The following DCX variants were observed in gnomAD, a reference collection of about 807,000 sequenced individuals.
The protein encoded by DCX is doublecortin.
In DCX, 4 loss-of-function variants were observed where a neutral mutation model predicts 20.9. That is an observed-to-expected ratio of 0.19 (90% CI 0.09 to 0.44). The LOEUF (loss-of-function observed/expected upper bound fraction) is 0.44. Among genes scored for constraint, DCX ranks in the 20% least tolerant of loss-of-function variants. The pLI is 0.99. For missense variants in DCX, 133 were observed against 296.9 expected, an observed-to-expected ratio of 0.45 and a Z score of 4.06; for synonymous variants, 103 against 111.4, an observed-to-expected ratio of 0.92 and a Z score of 0.47.
At chrX:111,332,642 A>G (rs1921356895) in intron 4 of DCX, among the ~76,000 whole-genome samples, 2 of 111,835 alleles carry the variant, frequency 1.8e-5, no homozygotes, top group Admixed American at 1.9e-4. Flanking sequence ...CTGTGGAAAA[A>G]TCTCTCTAAA....
In DCX at chrX:111,300,883, G is replaced by A. The variant is rs1344123663; in HGVS notation, c.*804C>T. On this transcript the variant is annotated 3_prime_UTR_variant, in exon 7 of 7. Coordinates refer to ENST00000636035, the MANE Select transcript of DCX (RefSeq NM_001195553.2). ...TACCATACAGTTCATGTAATCATGT[G>A]GTATGTTAGACAGCCTTCTAGAGGA... 1 of 111,971 alleles carries A rather than the reference G, an allele frequency of 8.9e-6. No individual in the cohort carries two copies. Among genetic ancestry groups the A allele is most frequent in the East Asian group, 2.8e-4 (1 of 3,593 alleles). The allele number at this position is 111,971 out of a possible 1,213,427, so 9.2% of individuals were successfully genotyped here.
At chrX:111,404,048 TTAAAATAAAATAAAATAAAA>T (rs10688083) in intron 2 of DCX, among the ~76,000 whole-genome samples, 2 of 73,484 alleles carry the variant, frequency 2.7e-5, no homozygotes, top group African/African-American at 9.9e-5. Context: ...AGATTCCGTC[TTAAAATAAAATAAAATAAAA>T]TAAAATAAAA....
chrX:111,318,275 A>G (rs1453314063), intron 5 of DCX, among the ~76,000 whole-genome samples: 6 of 106,890 alleles, frequency 5.6e-5, no homozygotes, highest in Admixed American at 2.0e-4. Context: ...GGGAGTGTAA[A>G]TTACTTCAAC....
intron 2 of DCX, among the ~76,000 whole-genome samples, chrX:111,402,840 G>A (rs1443406617): frequency 8.5e-5 from 9 of 105,415 alleles, no homozygotes; most frequent in Non-Finnish European, 3.9e-5. Flanking sequence ...GAGGGTAAGT[G>A]GCATCCAACA....
At chrX:111,373,699 A>T (rs1569494488) in intron 3 of DCX, among the ~76,000 whole-genome samples, 1 of 111,238 alleles carries the variant, frequency 9.0e-6, no homozygotes, top group African/African-American at 3.3e-5. Flanking sequence ...AAGTGGAGTA[A>T]ATATTTGTTG....
chrX:111,346,855 T>A, intron 3 of DCX, among the ~76,000 whole-genome samples: 1 of 111,873 alleles, frequency 8.9e-6, no homozygotes, highest in Non-Finnish European at 1.9e-5. Flanking sequence ...AAAAAAGAAA[T>A]GTAAAAATGA....
chrX:111,365,552 G>A (rs73545292), intron 3 of DCX, among the ~76,000 whole-genome samples: 185 of 110,345 alleles, frequency 1.7e-3, no homozygotes, highest in African/African-American at 5.7e-3. Flanking sequence ...TACTATTGTG[G>A]TATCAAATAG....
At chrX:111,392,745 T>C (rs1927046449) in intron 3 of DCX, among the ~76,000 whole-genome samples, 2 of 111,889 alleles carry the variant, frequency 1.8e-5, no homozygotes, top group Admixed American at 9.4e-5. Flanking sequence ...ATCATTGAAC[T>C]GTACACTTTG....
In DCX at chrX:111,408,682, GAAA is replaced by G. The variant is rs1569498221; in HGVS notation, c.364+1350_364+1352del. 1.7e-4 allele frequency among the ~76,000 whole-genome samples: 19 copies of G among 109,850 alleles called. 1 individual carries two copies. Among genetic ancestry groups the G allele is most frequent in the African/African-American group, 4.3e-4 (13 of 30,085 alleles). ...AGAAAGAAAGAAAGAAAGAAAGAAA[GAAA>G]GAAAGAAAGGAAGGAAGTCGAACTT... On this transcript the variant is annotated intron_variant, in intron 2 of 6. Coordinates refer to ENST00000636035, the MANE Select transcript of DCX (RefSeq NM_001195553.2).
intron 3 of DCX, 89 bp downstream of exon 3, chrX:111,400,901 G>A: frequency 1.2e-6 from 1 of 843,226 alleles, no homozygotes; most frequent in Non-Finnish European, 1.8e-6. Context: ...TGGAGGAAGA[G>A]TCCGTCAACA....
At chrX:111,350,909 G>T (rs1167260619) in intron 3 of DCX, among the ~76,000 whole-genome samples, 1 of 112,105 alleles carries the variant, frequency 8.9e-6, no homozygotes, top group Non-Finnish European at 1.9e-5. Context: ...TACTTACATG[G>T]TGGCAGAGAA....
chrX:111,407,827 C>CAT (rs1163695904), intron 2 of DCX, among the ~76,000 whole-genome samples: 4 of 110,178 alleles, frequency 3.6e-5, no homozygotes, highest in Non-Finnish European at 7.6e-5. Flanking sequence ...CACACACACA[C>CAT]ACACACACAC....
rs186031345 is a variant in DCX, at chrX:111,364,416, C to A, written c.706-31263G>T. On this transcript the variant is annotated intron_variant, in intron 3 of 6. Transcript: ENST00000636035. ...ATATAAGAAAGATACTATTTCTCAA[C>A]TATCCGATTGGCAAATGTGGAAAAC... is the stretch of plus-strand genomic sequence containing the variant. Among the ~76,000 whole-genome samples, 448 of 112,325 alleles carry A rather than the reference C, an allele frequency of 4.0e-3. 3 individuals are homozygous for A. Among genetic ancestry groups the A allele is most frequent in the African/African-American group, 0.014 (418 of 30,922 alleles).
intron 1 of DCX, 52 bp from the exon 2 acceptor site, chrX:111,410,472 A>G: frequency 8.4e-7 from 1 of 1,188,122 alleles, no homozygotes; most frequent in Non-Finnish European, 1.1e-6. Context: ...ACAAAAAGGG[A>G]CAAGGAGAAG....
At chrX:111,389,479 T>G (rs1926771526) in intron 3 of DCX, among the ~76,000 whole-genome samples, 1 of 111,789 alleles carries the variant, frequency 8.9e-6, no homozygotes, top group Admixed American at 9.5e-5. Flanking sequence ...ACCTCTCTCT[T>G]GAGTTCCAGA....
Position 111,398,688 on chromosome X carries a change from C to T in DCX, c.705+2302G>A, listed in dbSNP as rs190664964. ...CTGTAGGACAAAACCCTATGCATCA[C>T]TGGACTGGAGCTTGCTTCCCTAGGA... On this transcript the variant is annotated intron_variant, in intron 3 of 6. Transcript: ENST00000636035. Among the ~76,000 whole-genome samples, 396 of 112,445 alleles carry T rather than the reference C, an allele frequency of 3.5e-3. 3 individuals are homozygous for T. The highest frequency in any genetic ancestry group is 0.012 in the African/African-American group (372 of 30,971).
chrX:111,406,724 G>A (rs1928238310), intron 2 of DCX, among the ~76,000 whole-genome samples: 1 of 112,388 alleles, frequency 8.9e-6, no homozygotes, highest in Non-Finnish European at 1.9e-5. Context: ...TATATGAAGT[G>A]CGCAGAATAG....
intron 1 of DCX, chrX:111,411,017 T>TC (rs770453008): frequency 2.8e-6 from 3 of 1,083,970 alleles, no homozygotes; most frequent in Non-Finnish European, 3.8e-6. Context: ...GTGCATCCCC[T>TC]CCCCCCAGAA....
chrX:111,348,828 A>G (rs1169967904), intron 3 of DCX, among the ~76,000 whole-genome samples: 1 of 108,151 alleles, frequency 9.2e-6, no homozygotes, highest in Non-Finnish European at 1.9e-5. Context: ...TGAGAGGGAT[A>G]TTGCTTTTGA....
Sources: gnomAD v4.1 joint callset for allele counts (sites outside exome capture counted in the v4.1 genomes callset) on GRCh38, gnomAD v4.1.1 for gene constraint, MANE v1.5 for transcripts, NCBI Gene and HGNC (gene_info 2026-07-23, HGNC 2026-07-21) for gene names.